NBPF11: variants seen among roughly 807,000 people sequenced by gnomAD.
NBPF11 encodes the protein NBPF family member NBPF11.
NBPF11 carries 72 observed loss-of-function variants against 93.9 expected under a neutral mutation model. That is an observed-to-expected ratio of 0.77 (90% CI 0.63 to 0.93). The LOEUF (loss-of-function observed/expected upper bound fraction) is 0.93, where lower values mean the gene tolerates loss of function less well. Ranked by LOEUF, NBPF11 falls within the 40% of genes least tolerant of loss-of-function variation. The pLI is 0.00. For missense variants in NBPF11, 705 were observed against 802.2 expected, an observed-to-expected ratio of 0.88 and a Z score of 1.46; for synonymous variants, 224 against 304.9, an observed-to-expected ratio of 0.73 and a Z score of 2.76.
chr1:148,116,151 T>G (rs1311609911), intron 13 of NBPF11, among the ~76,000 whole-genome samples, 153 bp from the exon 14 acceptor site: 8 of 151,782 alleles, frequency 5.3e-5, no homozygotes, highest in Non-Finnish European at 1.2e-4. Flanking sequence ...GCAATCCTGT[T>G]CTGTCTGCAA....
chr1:148,149,604 G>A, intron 1 of NBPF11: 4 of 1,580,474 alleles, frequency 2.5e-6, no homozygotes, highest in Non-Finnish European at 3.4e-6. Flanking sequence ...CAATAAGGCG[G>A]CCCCCGGACC....
intron 2 of NBPF11, among the ~76,000 whole-genome samples, chr1:148,138,918 C>G (rs1171158616): frequency 6.6e-6 from 1 of 151,438 alleles, no homozygotes; most frequent in Non-Finnish European, 1.5e-5. Flanking sequence ...TGAAGAAACC[C>G]TGTCTCTACC....
Position 148,110,535 on chromosome 1 carries a change from C to T in NBPF11, c.1644G>A (p.Leu548=). The part of the protein sequence containing the change: ...EEKGPVSPRN[L]QESEEEEVPQ... ...GGACTTCCTCCTCTTCAGACTCCTG[C>T]AGATTCCTGATGAGCCAGGCAGGAC... The change falls in exon 16 of 24, where the codon CTG becomes CTA. Residue 548 remains leucine, a synonymous_variant. Transcript: ENST00000682118. 1 of 1,545,436 alleles carries T rather than the reference C, an allele frequency of 6.5e-7. No homozygotes were observed. Among genetic ancestry groups the T allele is most frequent in the Non-Finnish European group, 8.9e-7 (1 of 1,125,316 alleles).
rs1668815787 is a variant in NBPF11, at chr1:148,125,194, G to C, written c.176-193C>G. Among the ~76,000 whole-genome samples, 6 of 151,902 alleles carry C rather than the reference G, an allele frequency of 3.9e-5. 1 individual carries two copies. The South Asian group carries it at 1.2e-3, about 32-fold the overall frequency. On this transcript the variant is annotated intron_variant, in intron 5 of 23. Transcript: ENST00000682118. ...ATCTGATCCTCCAAAATTTAAAGACGAAGAAAGAGAAACTCAAGGGCGCAT... is the reference window on the plus strand; with the variant it reads ...ATCTGATCCTCCAAAATTTAAAGACCAAGAAAGAGAAACTCAAGGGCGCAT...
chr1:148,146,530 G>A, intron 1 of NBPF11: 3 of 1,603,240 alleles, frequency 1.9e-6, no homozygotes, highest in Non-Finnish European at 2.5e-6. Flanking sequence ...GCTGGGGCCT[G>A]GTGGGGCCGG....
intron 1 of NBPF11, among the ~76,000 whole-genome samples, chr1:148,150,525 C>T (rs1648021213): frequency 6.6e-6 from 1 of 151,316 alleles, no homozygotes; most frequent in South Asian, 2.1e-4. Flanking sequence ...AAAAAAAGAG[C>T]TTTTGGTTCA....
intron 13 of NBPF11, among the ~76,000 whole-genome samples, 180 bp downstream of exon 13, chr1:148,116,283 C>T (rs1357022874): frequency 6.6e-6 from 1 of 152,014 alleles, no homozygotes; most frequent in Non-Finnish European, 1.5e-5. Context: ...ACATGACACT[C>T]GGCACACATA....
intron 8 of NBPF11, 139 bp downstream of exon 8, chr1:148,122,590 T>C (rs1668120748): frequency 1.6e-6 from 2 of 1,289,046 alleles, no homozygotes; most frequent in Non-Finnish European, 2.2e-6. Flanking sequence ...GCACCCTGTG[T>C]CTAAGCTGGG....
intron 2 of NBPF11, among the ~76,000 whole-genome samples, chr1:148,138,804 C>A (rs1355924797): frequency 6.6e-6 from 1 of 151,842 alleles, no homozygotes; most frequent in South Asian, 2.1e-4. Flanking sequence ...CTTTTCCCCA[C>A]AGTTCAGGTC....
At chr1:148,147,113 T>A (rs1412629826) in intron 1 of NBPF11, among the ~76,000 whole-genome samples, 1 of 152,118 alleles carries the variant, frequency 6.6e-6, no homozygotes, top group Non-Finnish European at 1.5e-5. Context: ...GGCTGAGGTG[T>A]GGCCAGGCGG....
At chr1:148,124,683 G>A (rs1668671713) in intron 6 of NBPF11, among the ~76,000 whole-genome samples, 1 of 151,868 alleles carries the variant, frequency 6.6e-6, no homozygotes, top group Admixed American at 6.6e-5. Context: ...ACAATTACTT[G>A]TTTGAAAAAG....
At position 148,144,166 on chromosome 1, in the gene NBPF11, G is replaced by A. The variant is rs1399765910; in HGVS notation, c.-548-480C>T. Among the ~76,000 whole-genome samples, 90 of 150,328 alleles carry A rather than the reference G, an allele frequency of 6.0e-4. 1 individual carries two copies. The highest frequency in any genetic ancestry group is 3.2e-3 in the Admixed American group (48 of 15,128). On this transcript the variant is annotated intron_variant, in intron 1 of 23. Coordinates refer to ENST00000682118, the MANE Select transcript of NBPF11 (RefSeq NM_001385469.3). ...GTTAGGGAATTAAGAGTGTGTGGGC[G>A]TAGTTAATGCTTCTTTGGAATCTCA...
At chr1:148,146,077 C>T (rs1486306350) in intron 1 of NBPF11, among the ~76,000 whole-genome samples, 12 of 151,882 alleles carry the variant, frequency 7.9e-5, no homozygotes, top group African/African-American at 2.4e-4. Context: ...GGCAGGGGTG[C>T]GGAGGGACCG....
At chr1:148,117,188 C>A (rs1666774678) in intron 12 of NBPF11, among the ~76,000 whole-genome samples, 1 of 151,636 alleles carries the variant, frequency 6.6e-6, no homozygotes, top group Admixed American at 6.6e-5. Context: ...TCAGGAAGGA[C>A]AAGTCATTCA....
chr1:148,117,245 C>A (rs1298414698), intron 12 of NBPF11, among the ~76,000 whole-genome samples: 3 of 149,688 alleles, frequency 2.0e-5, no homozygotes, highest in Non-Finnish European at 4.4e-5. Context: ...AGCCTGGGAA[C>A]CTTCATTCTT....
chr1:148,119,901 G>A (rs1214880135), intron 10 of NBPF11, among the ~76,000 whole-genome samples: 76 of 151,784 alleles, frequency 5.0e-4, no homozygotes, highest in African/African-American at 1.4e-3. Context: ...TGCTCTACCC[G>A]CCTCAGCCTC....
intron 7 of NBPF11, 87 bp downstream of exon 7, chr1:148,123,766 G>T: frequency 2.5e-6 from 4 of 1,606,846 alleles, no homozygotes; most frequent in Non-Finnish European, 3.4e-6. Flanking sequence ...AAACCCCACT[G>T]ATACAACTGT....
chr1:148,124,677 T>C lies in NBPF11; in HGVS notation c.278+222A>G, dbSNP rs1668670959. On this transcript the variant is annotated intron_variant, in intron 6 of 23. Transcript: ENST00000682118. ...TGTTATGTAAGTTTCACCTCAACAA[T>C]TACTTGTTTGAAAAAGAGAAAACAA... Among the ~76,000 whole-genome samples the C allele has an allele frequency of 6.6e-5, 10 of 151,970 alleles. No homozygotes were observed. The South Asian group carries it at 2.1e-3, about 32-fold the overall frequency.
At chr1:148,146,437 T>C in intron 1 of NBPF11, 3 of 1,604,028 alleles carry the variant, frequency 1.9e-6, no homozygotes, top group Admixed American at 1.7e-5. Flanking sequence ...CCTCTTCTGC[T>C]GCCCTCCCTG....
Sources: allele counts gnomAD v4.1 joint callset (sites outside exome capture counted in the v4.1 genomes callset), GRCh38; gene constraint gnomAD v4.1.1; transcripts MANE v1.5; gene names NCBI Gene and HGNC (gene_info 2026-07-23, HGNC 2026-07-21).